Variants in GPHN observed in about 807,000 individuals in gnomAD.
GPHN encodes gephyrin.
Under a neutral mutation model 95.5 loss-of-function variants are expected in GPHN, and 17 were observed. The ratio of observed to expected loss-of-function variants is 0.18; its 90% CI spans 0.12 to 0.27. The LOEUF (loss-of-function observed/expected upper bound fraction) is 0.27. Ranked by LOEUF, GPHN falls within the 10% of genes least tolerant of loss-of-function variation. GPHN has a pLI of 1.00. For missense variants in GPHN, 660 were observed against 978.1 expected (o/e 0.67, Z 4.34); for synonymous variants, 320 against 322.5 (o/e 0.99, Z 0.08).
At chr14:67,625,724 G>T in the GPHN span, among the ~76,000 whole-genome samples, 9 of 130,052 alleles carry the variant, frequency 6.9e-5, no homozygotes, top group South Asian at 2.8e-4. Context: ...CTTCATCAAT[G>T]TAATGAAAAA....
chr14:67,235,573 G>C, the GPHN span, among the ~76,000 whole-genome samples: 1 of 152,036 alleles, frequency 6.6e-6, no homozygotes, highest in South Asian at 2.1e-4. Context: ...AAATTAACCA[G>C]GCTTGGTGGC....
At chr14:67,032,228 A>G (rs1295871640) in intron 10 of GPHN, among the ~76,000 whole-genome samples, 2 of 152,096 alleles carry the variant, frequency 1.3e-5, no homozygotes, top group Non-Finnish European at 2.9e-5. Flanking sequence ...TTTTCAGAGG[A>G]CTGCCCAAAT....
At chr14:66,999,442 A>G (rs533507103) in intron 9 of GPHN, among the ~76,000 whole-genome samples, 1 of 151,854 alleles carries the variant, frequency 6.6e-6, no homozygotes, top group South Asian at 2.1e-4. Context: ...TATATAATTT[A>G]TTGTCATGTA....
rs113784453 is a variant in GPHN at position 66,952,769 on chromosome 14, A to G, written c.829-12422A>G. On this transcript the variant is annotated intron_variant, in intron 8 of 22. Coordinates refer to ENST00000478722, the MANE Select transcript of GPHN (RefSeq NM_020806.5). ...GTGTGCAGTGGCCCAATCTCGGCTC[A>G]CTGCAACCTCAGCCTCCCGGGTTCA... Among the ~76,000 whole-genome samples, 472 of 152,140 alleles carry G rather than the reference A, an allele frequency of 3.1e-3. 11 individuals carry two copies. Among genetic ancestry groups the G allele is most frequent in the African/African-American group, 0.011 (446 of 41,494 alleles).
the GPHN span, chr14:67,573,909 A>G: frequency 1.3e-6 from 2 of 1,567,322 alleles, no homozygotes; most frequent in African/African-American, 1.3e-5. The surrounding 1 kb of genome is among the most constrained non-coding windows in gnomAD (Gnocchi z 4.8). Flanking sequence ...CCTGGCTGCT[A>G]GTATTTTAAA....
Position 66,681,114 on chromosome 14 carries a change from T to C in GPHN, c.72T>C (p.Asp24=), listed in dbSNP as rs777651189. 21 of 1,572,572 alleles carry C rather than the reference T, an allele frequency of 1.3e-5. No homozygotes were observed. Among genetic ancestry groups the C allele is most frequent in the Non-Finnish European group, 1.8e-5 (21 of 1,144,448 alleles). Residue 24 remains aspartate, a synonymous_variant, in exon 2 of 23, where the codon GAT becomes GAC. Transcript: ENST00000478722. The stretch of plus-strand genomic sequence containing the variant: ...TTCCCCATTTCTATTTAGTGAGTGA[T>C]AGTTGCTTCAGGAATCTTGCAGAAG... ...QIRVGVLTVS[D]SCFRNLAEDR...
chr14:67,387,789 A>G, the GPHN span, among the ~76,000 whole-genome samples: 10 of 152,236 alleles, frequency 6.6e-5, no homozygotes, highest in African/African-American at 9.6e-5. Flanking sequence ...AAAAGCAAGC[A>G]TAGAATTTGG....
the GPHN span, among the ~76,000 whole-genome samples, chr14:67,578,918 G>A: frequency 3.9e-5 from 6 of 152,296 alleles, no homozygotes; most frequent in African/African-American, 1.4e-4. This position sits in a 1 kb window ranked among gnomAD's most constrained non-coding sequence, Gnocchi z 5.0. Context: ...CTGTTGTTAT[G>A]TCCTCTGGGT....
the GPHN span, chr14:67,360,354 C>T: frequency 5.0e-6 from 2 of 397,100 alleles, no homozygotes; most frequent in Non-Finnish European, 8.9e-6. Context: ...GCGAAGCGCA[C>T]GCTGAGGAGG....
chr14:67,068,988 T>C (rs894650444), intron 11 of GPHN, among the ~76,000 whole-genome samples: 82 of 152,108 alleles, frequency 5.4e-4, no homozygotes, highest in African/African-American at 1.9e-3. Flanking sequence ...TTCCTGATGG[T>C]TCAGGGGCTG....
the GPHN span, among the ~76,000 whole-genome samples, chr14:67,236,880 G>A: frequency 6.6e-6 from 1 of 151,856 alleles, no homozygotes; most frequent in Admixed American, 6.6e-5. Context: ...TTTAGGTCAG[G>A]GGTTCGAGAA....
At chr14:67,107,751 G>A (rs188043059) in intron 13 of GPHN, among the ~76,000 whole-genome samples, 41 of 152,140 alleles carry the variant, frequency 2.7e-4, no homozygotes, top group East Asian at 1.9e-3. Flanking sequence ...TTTGATCCCC[G>A]GGGGGGCCAA....
At chr14:67,253,955 T>A in the GPHN span, among the ~76,000 whole-genome samples, 1 of 151,310 alleles carries the variant, frequency 6.6e-6, no homozygotes, top group African/African-American at 2.4e-5. Context: ...GTGTTAATAT[T>A]TTGTTTTGTT....
downstream of GPHN, among the ~76,000 whole-genome samples, chr14:67,182,761 G>A (rs1251225166): frequency 6.6e-6 from 1 of 151,146 alleles, no homozygotes; most frequent in Non-Finnish European, 1.5e-5. Context: ...TATAGAATGT[G>A]ATAAATGCCA....
chr14:66,532,609 T>C (rs1299018593), intron 1 of GPHN, among the ~76,000 whole-genome samples: 2 of 152,202 alleles, frequency 1.3e-5, no homozygotes, highest in East Asian at 1.9e-4. Context: ...ATTGTTTTGG[T>C]TGCAAGTGAC....
At chr14:67,283,599 AT>A in the GPHN span, among the ~76,000 whole-genome samples, 4 of 151,750 alleles carry the variant, frequency 2.6e-5, no homozygotes, top group South Asian at 4.2e-4. Flanking sequence ...CCTTCAGGGA[AT>A]TTTTTTTTAT....
At chr14:66,518,535 C>T (rs1437121031) in intron 1 of GPHN, among the ~76,000 whole-genome samples, 4 of 152,062 alleles carry the variant, frequency 2.6e-5, no homozygotes, top group Non-Finnish European at 5.9e-5. Flanking sequence ...GACACGTGTA[C>T]CATATTTACT....
intron 9 of GPHN, among the ~76,000 whole-genome samples, chr14:67,001,597 G>A (rs1186131274): frequency 6.6e-6 from 1 of 151,596 alleles, no homozygotes; most frequent in Non-Finnish European, 1.5e-5. Flanking sequence ...GACATTTAGT[G>A]TGACATTAAA....
At chr14:67,263,844 T>A in the GPHN span, among the ~76,000 whole-genome samples, 1 of 151,992 alleles carries the variant, frequency 6.6e-6, no homozygotes, top group African/African-American at 2.4e-5. Flanking sequence ...ACTCAACCAT[T>A]TAAATAATTG....
Sources: allele counts gnomAD v4.1 joint callset (sites outside exome capture counted in the v4.1 genomes callset), GRCh38; gene constraint gnomAD v4.1.1; non-coding constraint Gnocchi (gnomAD v3.1); transcripts MANE v1.5; gene names NCBI Gene and HGNC (gene_info 2026-07-23, HGNC 2026-07-21).